Variants in GSG1L observed in about 807,000 individuals in gnomAD.
GSG1L encodes germ cell-specific gene 1-like protein.
In GSG1L, 24 loss-of-function variants were observed where a neutral mutation model predicts 42.1. The observed-to-expected ratio is 0.57, with a 90% CI of 0.41 to 0.80. GSG1L has a LOEUF of 0.80. Ranked by LOEUF, GSG1L falls within the 30% of genes least tolerant of loss-of-function variation. The pLI is 0.00. For missense variants in GSG1L, 445 were observed against 472.2 expected, an observed-to-expected ratio of 0.94 and a Z score of 0.53; for synonymous variants, 215 against 203.5, an observed-to-expected ratio of 1.06 and a Z score of -0.48.
At chr16:27,866,541 C>G (rs1216379361) in intron 3 of GSG1L, among the ~76,000 whole-genome samples, 1 of 152,124 alleles carries the variant, frequency 6.6e-6, no homozygotes, top group East Asian at 1.9e-4. Flanking sequence ...GCCCTCCACC[C>G]CTACCCAAAT....
At chr16:27,986,466 A>G (rs1246192524) in intron 1 of GSG1L, among the ~76,000 whole-genome samples, 1 of 149,394 alleles carries the variant, frequency 6.7e-6, no homozygotes, top group East Asian at 2.0e-4. Context: ...AGATCACACC[A>G]TTGCACTCCA....
At chr16:27,919,315 A>G (rs2084497599) in intron 2 of GSG1L, among the ~76,000 whole-genome samples, 1 of 152,136 alleles carries the variant, frequency 6.6e-6, no homozygotes, top group Non-Finnish European at 1.5e-5. Context: ...ATTCCCTATC[A>G]TGGCCATCAT....
At chr16:27,954,424 T>C (rs2084984139) in intron 2 of GSG1L, among the ~76,000 whole-genome samples, 1 of 152,062 alleles carries the variant, frequency 6.6e-6, no homozygotes, top group South Asian at 2.1e-4. Flanking sequence ...ATCCTTCAAA[T>C]AGAGGAACCA....
intron 1 of GSG1L, among the ~76,000 whole-genome samples, chr16:27,978,990 G>A (rs147873469): frequency 1.1e-4 from 16 of 152,246 alleles, no homozygotes; most frequent in South Asian, 6.2e-4. Flanking sequence ...GTCTGGAGGC[G>A]CCAGCACAAG....
At chr16:27,918,474 G>A (rs767220024) in intron 2 of GSG1L, among the ~76,000 whole-genome samples, 1 of 151,940 alleles carries the variant, frequency 6.6e-6, no homozygotes, top group Non-Finnish European at 1.5e-5. Flanking sequence ...CCTGGCCAAC[G>A]TGGCAAAACC....
At chr16:27,954,462 C>T (rs952013694) in intron 2 of GSG1L, among the ~76,000 whole-genome samples, 1 of 152,120 alleles carries the variant, frequency 6.6e-6, no homozygotes, top group Non-Finnish European at 1.5e-5. Context: ...TACTGAAAAC[C>T]AAGAATTAAG....
At chr16:27,957,799 C>T (rs912779011) in intron 2 of GSG1L, among the ~76,000 whole-genome samples, 14 of 152,226 alleles carry the variant, frequency 9.2e-5, no homozygotes, top group East Asian at 1.9e-4. Context: ...ATAAGCATGG[C>T]GCCAGCATCT....
chr16:27,949,555 G>A (rs193042190), intron 2 of GSG1L, among the ~76,000 whole-genome samples: 2 of 152,214 alleles, frequency 1.3e-5, no homozygotes, highest in Non-Finnish European at 2.9e-5. Context: ...AGAAGTTCGA[G>A]GTTACAGTGA....
At chr16:27,857,894 G>T (rs186827508) in intron 3 of GSG1L, among the ~76,000 whole-genome samples, 1 of 140,144 alleles carries the variant, frequency 7.1e-6, no homozygotes, top group Admixed American at 7.0e-5. Context: ...TTTTGCTCTC[G>T]GAGGGCCCTG....
chr16:27,795,286 T>A (rs2082805884), intron 6 of GSG1L, among the ~76,000 whole-genome samples: 1 of 152,180 alleles, frequency 6.6e-6, no homozygotes, highest in Non-Finnish European at 1.5e-5. Flanking sequence ...CTGTACAGTA[T>A]GAAAAGGGTT....
chr16:27,860,705 TGCA>T (rs2083638427), intron 3 of GSG1L, among the ~76,000 whole-genome samples: 1 of 152,246 alleles, frequency 6.6e-6, no homozygotes, highest in South Asian at 2.1e-4. Context: ...CCCAGCCATC[TGCA>T]GCCAAACAGC....
In GSG1L at chr16:27,838,183, C is replaced by T. The variant is rs540646425; in HGVS notation, c.662+6767G>A. 9.8e-5 allele frequency among the ~76,000 whole-genome samples: 15 copies of T among 152,306 alleles called. No homozygotes were observed. The South Asian group carries it at 3.1e-3, about 32-fold the overall frequency. On this transcript the variant is annotated intron_variant, in intron 4 of 6. Coordinates refer to ENST00000447459, the MANE Select transcript of GSG1L (RefSeq NM_001109763.2). Reference sequence around the variant, plus strand: ...TTCACTTCACTACTATCCCTTAGCACCTAGAATGGTGCCTGGCACATAATA... The same window carrying T: ...TTCACTTCACTACTATCCCTTAGCATCTAGAATGGTGCCTGGCACATAATA...
In GSG1L at chr16:27,945,753, G is replaced by A. The variant is rs141787128; in HGVS notation, c.397+17403C>T. 4.2e-3 allele frequency among the ~76,000 whole-genome samples: 638 copies of A among 152,358 alleles called. 1 individual carries two copies. Among genetic ancestry groups the A allele is most frequent in the Middle Eastern group, 0.02 (6 of 294 alleles). ...TTCCAGTTCCTGGTGGCTTCAAGGC[G>A]TAGGTAGGGGTCTCAGGGGCATGGG... On this transcript the variant is annotated intron_variant, in intron 2 of 6. Coordinates refer to ENST00000447459, the MANE Select transcript of GSG1L (RefSeq NM_001109763.2).
Position 27,994,115 on chromosome 16 carries a change from G to A in GSG1L, c.350-30912C>T, listed in dbSNP as rs552979356. ...TCCATGCTCCTTAATTTTCTTAGTCGTGAGACAAAAAACTCCAGGTGATAC... is the reference window on the plus strand; with the variant it reads ...TCCATGCTCCTTAATTTTCTTAGTCATGAGACAAAAAACTCCAGGTGATAC... On this transcript the variant is annotated intron_variant, in intron 1 of 6. Coordinates refer to ENST00000447459, the MANE Select transcript of GSG1L (RefSeq NM_001109763.2). Among the ~76,000 whole-genome samples the A allele has an allele frequency of 5.3e-5, 8 of 152,196 alleles. No homozygotes were observed. In the East Asian group the frequency reaches 5.8e-4, roughly 11 times the overall value.
intron 1 of GSG1L, among the ~76,000 whole-genome samples, chr16:28,029,698 A>C (rs2085936620): frequency 1.3e-5 from 2 of 152,118 alleles, no homozygotes; most frequent in South Asian, 4.1e-4. Context: ...GACAGATGGA[A>C]GAATGATGGA....
chr16:27,852,486 G>A lies in GSG1L; in HGVS notation c.551-7425C>T, dbSNP rs541558460. Among the ~76,000 whole-genome samples the A allele has an allele frequency of 3.9e-5, 6 of 152,178 alleles. No individual in the cohort carries two copies. In the East Asian group the frequency reaches 9.7e-4, roughly 25 times the overall value. ...GGTCTGTGGGGTGGGGAGGTCAGAAGAGGCTCCCACAGAAGATGATATAGC... is the reference window on the plus strand; with the variant it reads ...GGTCTGTGGGGTGGGGAGGTCAGAAAAGGCTCCCACAGAAGATGATATAGC... On this transcript the variant is annotated intron_variant, in intron 3 of 6. Transcript: ENST00000447459.
chr16:27,853,710 C>G (rs1253868674), intron 3 of GSG1L, among the ~76,000 whole-genome samples: 1 of 152,140 alleles, frequency 6.6e-6, no homozygotes, highest in African/African-American at 2.4e-5. Context: ...TCATGGAGAC[C>G]TTCCAATTTC....
chr16:27,841,290 C>T (rs778136152), intron 4 of GSG1L, among the ~76,000 whole-genome samples: 2 of 152,180 alleles, frequency 1.3e-5, no homozygotes, highest in African/African-American at 2.4e-5. Flanking sequence ...CGCCCCTCCA[C>T]GCTGCCACAG....
At chr16:27,957,427 G>T (rs2085019123) in intron 2 of GSG1L, among the ~76,000 whole-genome samples, 1 of 152,222 alleles carries the variant, frequency 6.6e-6, no homozygotes, top group Non-Finnish European at 1.5e-5. Flanking sequence ...AGTTGCTCAG[G>T]CATCTTTGAT....
Sources: gnomAD v4.1 joint callset for allele counts (sites outside exome capture counted in the v4.1 genomes callset) on GRCh38, gnomAD v4.1.1 for gene constraint, MANE v1.5 for transcripts, NCBI Gene and HGNC (gene_info 2026-07-23, HGNC 2026-07-21) for gene names.